CEP83: variants seen among roughly 807,000 people sequenced by gnomAD.
CEP83 encodes centrosomal protein of 83 kDa.
A neutral mutation model predicts 101.9 loss-of-function variants in CEP83; 70 were observed. The ratio of observed to expected loss-of-function variants is 0.69; its 90% CI spans 0.57 to 0.84. The LOEUF is 0.84. CEP83 is among the 40% of genes least tolerant of loss of function. The probability of loss-of-function intolerance (pLI) is 0.00; values close to 1 mark genes in which losing one functional copy is unlikely to be tolerated. For missense variants in CEP83, 715 were observed against 787.2 expected (o/e 0.91, Z 1.10); for synonymous variants, 264 against 267.9 (o/e 0.99, Z 0.14).
chr12:94,460,020 C>G (rs1234688579), upstream of CEP83: 1 of 152,590 alleles, frequency 6.6e-6, no homozygotes, highest in Non-Finnish European at 1.5e-5. Context: ...CCACCGACGC[C>G]GGTTGCTGCC....
chr12:94,372,543 C>T (rs1341298247), intron 8 of CEP83, among the ~76,000 whole-genome samples: 1 of 152,094 alleles, frequency 6.6e-6, no homozygotes, highest in Non-Finnish European at 1.5e-5. Context: ...AAGAATGACA[C>T]AGCATTTCAT....
In CEP83 at chr12:94,308,524, A is replaced by G. The variant is rs1969325130; in HGVS notation, c.*289T>C. The G allele has an allele frequency of 4.7e-6, 1 of 213,334 alleles. No individual in the cohort carries two copies. The highest frequency in any genetic ancestry group is 9.3e-6 in the Non-Finnish European group (1 of 107,250). 13.2% of individuals were successfully genotyped at this position (213,334 alleles called of 1,614,324 possible). A position where few individuals can be genotyped will look rare whatever the true frequency, so the allele number is the denominator to read the frequency against. Reference sequence around the variant, plus strand: ...AAAATGCCAAAAAAAAAAATTCAACAAAGTAAAAATTTTAAAACTTGACTC... The same window carrying G: ...AAAATGCCAAAAAAAAAAATTCAACGAAGTAAAAATTTTAAAACTTGACTC... On this transcript the variant is annotated 3_prime_UTR_variant, in exon 17 of 17. Coordinates refer to ENST00000397809, the MANE Select transcript of CEP83 (RefSeq NM_016122.3).
chr12:94,290,965 G>A, the CEP83 span, among the ~76,000 whole-genome samples: 2 of 152,250 alleles, frequency 1.3e-5, no homozygotes, highest in East Asian at 1.9e-4. Flanking sequence ...TTTTGTGAAT[G>A]AGCCCCTCCT....
At chr12:94,360,746 A>C (rs923084820) in intron 11 of CEP83, among the ~76,000 whole-genome samples, 82 of 152,282 alleles carry the variant, frequency 5.4e-4, no homozygotes, top group African/African-American at 1.9e-3. Context: ...AAATTGAAAA[A>C]AAAAATCTTA....
At chr12:94,297,707 G>A in the CEP83 span, among the ~76,000 whole-genome samples, 8 of 151,966 alleles carry the variant, frequency 5.3e-5, no homozygotes, top group Non-Finnish European at 8.8e-5. Context: ...TATTTTTTAG[G>A]TTGACAGCAT....
intron 11 of CEP83, among the ~76,000 whole-genome samples, chr12:94,360,795 C>A (rs1176296121): frequency 1.3e-5 from 2 of 151,850 alleles, no homozygotes; most frequent in African/African-American, 4.8e-5. Flanking sequence ...AGAGTCAAAG[C>A]AATCCTGTGT....
At chr12:94,279,842 G>A in the CEP83 span, 97 of 700,658 alleles carry the variant, frequency 1.4e-4, no homozygotes, top group East Asian at 2.1e-3. Context: ...CTGATTCTTC[G>A]AAGGAAGCAC....
At chr12:94,355,310 C>T (rs1405000433) in intron 11 of CEP83, among the ~76,000 whole-genome samples, 4 of 151,726 alleles carry the variant, frequency 2.6e-5, no homozygotes, top group Non-Finnish European at 5.9e-5. Context: ...TGGCTAACAC[C>T]GTGAAACCCC....
At chr12:94,438,214 C>A (rs1240429664) in intron 1 of CEP83, among the ~76,000 whole-genome samples, 3 of 149,736 alleles carry the variant, frequency 2.0e-5, no homozygotes, top group African/African-American at 7.4e-5. Flanking sequence ...GTGAGACTGT[C>A]CCAATTAAAA....
chr12:94,409,472 C>T (rs913321302), intron 4 of CEP83, among the ~76,000 whole-genome samples: 3 of 152,134 alleles, frequency 2.0e-5, no homozygotes, highest in African/African-American at 7.2e-5. Context: ...GTTTAACATA[C>T]TTTAATCTAT....
In CEP83 at chr12:94,307,880, C is replaced by CTT. The variant is rs1423925068; in HGVS notation, c.*931_*932dup. ...TGGCCTTCTTCACTATCAACTGGGA[C>CTT]TTTTGACTATGAACACCTTGGGATA... On this transcript the variant is annotated 3_prime_UTR_variant, in exon 17 of 17. Coordinates refer to ENST00000397809, the MANE Select transcript of CEP83 (RefSeq NM_016122.3). 1 of 152,120 alleles carries CTT rather than the reference C, an allele frequency of 6.6e-6. No individual in the cohort carries two copies. The highest frequency in any genetic ancestry group is 6.6e-5 in the Admixed American group (1 of 15,256). 9.4% of individuals were successfully genotyped at this position (152,120 alleles called of 1,614,324 possible). A position where few individuals can be genotyped will look rare whatever the true frequency, so the allele number is the denominator to read the frequency against.
chr12:94,306,735 GC>G (rs1969061150), downstream of CEP83: 1 of 152,098 alleles, frequency 6.6e-6, no homozygotes, highest in South Asian at 2.1e-4. Context: ...TGTCTTAAAG[GC>G]AATTCCTTTT....
intron 1 of CEP83, among the ~76,000 whole-genome samples, chr12:94,451,467 C>CAAAAAAAAAAAAAAAAAAA (rs34200750): frequency 9.7e-6 from 1 of 102,664 alleles, no homozygotes; most frequent in Non-Finnish European, 2.0e-5. Context: ...TCAGTAAGAC[C>CAAAAAAAAAAAAAAAAAAA]AAAAAAAAAA....
At chr12:94,456,008 A>C (rs960672683) in intron 1 of CEP83, among the ~76,000 whole-genome samples, 1 of 151,610 alleles carries the variant, frequency 6.6e-6, no homozygotes, top group African/African-American at 2.4e-5. Flanking sequence ...AGATTGCACC[A>C]CTACGCTCCA....
At chr12:94,307,351 C>A (rs1426700119), downstream of CEP83, 1 of 152,208 alleles carries the variant, frequency 6.6e-6, no homozygotes, top group Non-Finnish European at 1.5e-5. Flanking sequence ...CATTTTGGAT[C>A]ACATTAGCCA....
Position 94,309,996 on chromosome 12 carries a change from T to C in CEP83, c.1923A>G (p.Thr641=), listed in dbSNP as rs1454629104. The C allele has an allele frequency of 1.9e-6, 3 of 1,612,562 alleles. No homozygotes were observed. Among genetic ancestry groups the C allele is most frequent in the Admixed American group, 3.3e-5 (2 of 59,944 alleles). Residue 641 remains threonine, a synonymous_variant, in exon 16 of 17, where the codon ACA becomes ACG. Transcript: ENST00000397809. ...GAAAGCTAACAGGATTGATAGATGC[T>C]GTTGGAGGCATGTTAGGAACCAAAA... ...SLILVPNMPP[T]ASINPVSFQS... is the part of the protein sequence containing the mutation.
chr12:94,312,577 A>C, intron 15 of CEP83: 1 of 985,424 alleles, frequency 1.0e-6, no homozygotes, highest in Non-Finnish European at 1.2e-6. Context: ...CTGACCTTTG[A>C]TTCAAAGTTG....
At chr12:94,277,820 C>G in the CEP83 span, 4 of 401,808 alleles carry the variant, frequency 1.0e-5, no homozygotes, top group African/African-American at 8.2e-5. Context: ...TGGCCCCGTG[C>G]TAAGCCCTTG....
chr12:94,313,555 GGA>G (rs1214619233), intron 14 of CEP83, among the ~76,000 whole-genome samples: 3 of 150,648 alleles, frequency 2.0e-5, no homozygotes, highest in Non-Finnish European at 4.4e-5. Flanking sequence ...AAAAGGGTGG[GGA>G]GCCAGGCACA....
Sources: gnomAD v4.1 joint callset for allele counts (sites outside exome capture counted in the v4.1 genomes callset) on GRCh38, gnomAD v4.1.1 for gene constraint, MANE v1.5 for transcripts, NCBI Gene and HGNC (gene_info 2026-07-23, HGNC 2026-07-21) for gene names.